STARD13: variants seen among roughly 807,000 people sequenced by gnomAD.
The protein encoded by STARD13 is stAR-related lipid transfer protein 13.
In STARD13, 62 loss-of-function variants were observed where a neutral mutation model predicts 106.4. That is an observed-to-expected ratio of 0.58 (90% confidence interval 0.48 to 0.72). The LOEUF (loss-of-function observed/expected upper bound fraction) is 0.72. Among genes scored for constraint, STARD13 ranks in the 30% least tolerant of loss-of-function variants. STARD13 has a pLI of 0.00. For missense variants in STARD13, 1,387 were observed against 1,424.0 expected (o/e 0.97, Z 0.42); for synonymous variants, 565 against 553.0 (o/e 1.02, Z -0.31).
At chr13:33,403,148 C>G in the STARD13 span, among the ~76,000 whole-genome samples, 73 of 152,328 alleles carry the variant, frequency 4.8e-4, no homozygotes, top group African/African-American at 1.7e-3. Context: ...GTACCTGCCC[C>G]GGCTCCTGTA....
intron 4 of STARD13, among the ~76,000 whole-genome samples, chr13:33,139,748 AT>A (rs34920267): frequency 2.0e-5 from 3 of 150,584 alleles, no homozygotes; most frequent in South Asian, 2.1e-4. Context: ...GCTCCTATTC[AT>A]TTTTTTTTCT....
chr13:33,590,399 CAT>C, the STARD13 span, among the ~76,000 whole-genome samples: 1 of 152,010 alleles, frequency 6.6e-6, no homozygotes, highest in African/African-American at 2.4e-5. Flanking sequence ...CACATGCACA[CAT>C]ATGTTTATTG....
chr13:33,636,953 T>C, the STARD13 span, among the ~76,000 whole-genome samples: 1 of 152,190 alleles, frequency 6.6e-6, no homozygotes, highest in South Asian at 2.1e-4. Context: ...GGTGTTATCT[T>C]TTCTAAACTC....
chr13:33,201,080 AAAAT>A (rs1163886375), intron 1 of STARD13, among the ~76,000 whole-genome samples: 4 of 151,848 alleles, frequency 2.6e-5, no homozygotes, highest in African/African-American at 9.7e-5. Flanking sequence ...TAAAAATAAA[AAAAT>A]AAAAAATAAA....
At chr13:33,502,453 G>C in the STARD13 span, among the ~76,000 whole-genome samples, 1 of 152,168 alleles carries the variant, frequency 6.6e-6, no homozygotes, top group African/African-American at 2.4e-5. Context: ...GGGCATCCCT[G>C]TCTTGTGCCA....
chr13:33,255,100 C>G (rs1017097254), intron 1 of STARD13, among the ~76,000 whole-genome samples: 3 of 136,632 alleles, frequency 2.2e-5, no homozygotes, highest in Admixed American at 2.1e-4. Context: ...CTGTGTGCTC[C>G]CCCCCCCCTC....
At chr13:33,465,509 TC>T in the STARD13 span, among the ~76,000 whole-genome samples, 1 of 152,100 alleles carries the variant, frequency 6.6e-6, no homozygotes, top group Admixed American at 6.6e-5. Flanking sequence ...GCTGGTCTTT[TC>T]TTCCGCTTTT....
chr13:33,325,199 A>G (rs1208900333), intron 1 of STARD13, among the ~76,000 whole-genome samples: 1 of 152,136 alleles, frequency 6.6e-6, no homozygotes, highest in Non-Finnish European at 1.5e-5. Flanking sequence ...TTTTTAGTGT[A>G]GCCAACACTA....
the STARD13 span, among the ~76,000 whole-genome samples, chr13:33,580,960 T>G: frequency 6.6e-6 from 1 of 152,148 alleles, no homozygotes; most frequent in South Asian, 2.1e-4. Context: ...AAAAGTATAG[T>G]TTCAGTTGTC....
Position 33,163,638 on chromosome 13 carries a change from T to A in STARD13, c.323+1699A>T, listed in dbSNP as rs1406955083. On this transcript the variant is annotated intron_variant, in intron 3 of 13. Coordinates refer to ENST00000336934, the MANE Select transcript of STARD13 (RefSeq NM_178006.4). ...TATATATATATAAAACATATATATA[T>A]AACATATATATATATAAAACATATA... Among the ~76,000 whole-genome samples, 545 of 108,024 alleles carry A rather than the reference T, an allele frequency of 5.0e-3. 4 individuals are homozygous for A. The highest frequency in any genetic ancestry group is 0.024 in the African/African-American group (508 of 20,756). The allele number at this position is 108,024 out of a possible 152,430, so 70.9% of individuals were successfully genotyped here.
chr13:33,502,664 T>C, the STARD13 span, among the ~76,000 whole-genome samples: 1 of 152,208 alleles, frequency 6.6e-6, no homozygotes, highest in Admixed American at 6.5e-5. Flanking sequence ...TGTCTTTGGT[T>C]CTGTTTATAT....
intron 6 of STARD13, among the ~76,000 whole-genome samples, chr13:33,127,025 A>G (rs940835890): frequency 2.8e-4 from 42 of 152,254 alleles, no homozygotes; most frequent in African/African-American, 9.2e-4. Context: ...ATCAGGCCAG[A>G]AGGTACAAGT....
intron 3 of STARD13, among the ~76,000 whole-genome samples, chr13:33,142,950 G>A (rs189294481): frequency 6.6e-4 from 101 of 152,296 alleles, no homozygotes; most frequent in African/African-American, 2.2e-3. Flanking sequence ...GGGTAAAGGG[G>A]TCTACCAGGG....
the STARD13 span, among the ~76,000 whole-genome samples, chr13:33,546,638 G>C: frequency 2.0e-5 from 3 of 149,176 alleles, no homozygotes; most frequent in Admixed American, 2.0e-4. Context: ...TTATTATTGT[G>C]TTGTCGTATT....
Position 33,127,324 on chromosome 13 carries a change from A to G in STARD13, c.1922+49T>C, listed in dbSNP as rs114960060. On this transcript the variant is annotated intron_variant, in intron 6 of 13. Transcript: ENST00000336934. ...AACATGGAAGCTTCTGCAATCACAC[A>G]CTTAGCTCTAGAGCCAAGGATCCCC... The G allele has an allele frequency of 1.2e-3, 1,829 of 1,498,088 alleles. 15 individuals carry two copies. In the African/African-American group the frequency reaches 0.024, roughly 20 times the overall value. 92.8% of individuals were successfully genotyped at this position (1,498,088 alleles called of 1,614,324 possible).
intron 1 of STARD13, among the ~76,000 whole-genome samples, chr13:33,200,022 G>A (rs1886905114): frequency 6.6e-6 from 1 of 152,210 alleles, no homozygotes; most frequent in Admixed American, 6.5e-5. Context: ...CTTTGCTGAG[G>A]CAGTAGAGCA....
the STARD13 span, among the ~76,000 whole-genome samples, chr13:33,449,394 T>C: frequency 1.3e-5 from 2 of 152,198 alleles, no homozygotes; most frequent in Non-Finnish European, 2.9e-5. Context: ...GGCAACTTTG[T>C]CAAAAATTAA....
chr13:33,178,618 A>G (rs1238362929), intron 1 of STARD13, among the ~76,000 whole-genome samples: 1 of 152,240 alleles, frequency 6.6e-6, no homozygotes, highest in African/African-American at 2.4e-5. Flanking sequence ...GAGCCAGGAA[A>G]TTCAAAACTA....
At chr13:33,673,155 C>G in the STARD13 span, among the ~76,000 whole-genome samples, 2 of 152,226 alleles carry the variant, frequency 1.3e-5, no homozygotes, top group African/African-American at 4.8e-5. Context: ...CTTGACTTCT[C>G]CATCCTCTGG....
Sources: gnomAD v4.1 joint callset for allele counts (sites outside exome capture counted in the v4.1 genomes callset) on GRCh38, gnomAD v4.1.1 for gene constraint, MANE v1.5 for transcripts, NCBI Gene and HGNC (gene_info 2026-07-23, HGNC 2026-07-21) for gene names.